Variants in IGFBP7 observed in about 807,000 individuals in gnomAD.
The protein encoded by IGFBP7 is insulin-like growth factor-binding protein 7.
Under a neutral mutation model 29.4 loss-of-function variants are expected in IGFBP7, and 31 were observed. The observed-to-expected ratio is 1.05, with a 90% confidence interval of 0.79 to 1.42. The LOEUF (loss-of-function observed/expected upper bound fraction) is 1.42, where lower values mean the gene tolerates loss of function less well. Among genes scored for constraint, IGFBP7 ranks in the 40% most tolerant of loss-of-function variants. The pLI, the probability that IGFBP7 is intolerant of heterozygous loss-of-function variation, is 0.00. For synonymous variants in IGFBP7, 172 were observed against 174.9 expected (o/e 0.98, Z 0.13); for missense variants, 393 against 395.5 (o/e 0.99, Z 0.05).
chr4:57,050,214 C>T (rs1724468368), intron 1 of IGFBP7, among the ~76,000 whole-genome samples: 1 of 150,318 alleles, frequency 6.7e-6, no homozygotes, highest in Admixed American at 6.6e-5. Context: ...CATTATGGTT[C>T]TCACTGAACA....
At position 57,110,363 on chromosome 4, in the gene IGFBP7, G is replaced by C. The variant is rs1006188690; in HGVS notation, c.-12C>G. On this transcript the variant is annotated 5_prime_UTR_variant, in exon 1 of 5. Coordinates refer to ENST00000295666, the MANE Select transcript of IGFBP7 (RefSeq NM_001553.3). Reference sequence around the variant, plus strand: ...GACGGCCGCTCCATGGCGGGGTGCGGTGGCAGCGGCAAGGGCGCGAGTGAG... The same window carrying C: ...GACGGCCGCTCCATGGCGGGGTGCGCTGGCAGCGGCAAGGGCGCGAGTGAG... The C allele has an allele frequency of 3.0e-6, 4 of 1,337,456 alleles. No individual in the cohort carries two copies. Among genetic ancestry groups the C allele is most frequent in the Non-Finnish European group, 9.6e-7 (1 of 1,044,872 alleles). 82.8% of individuals were successfully genotyped at this position (1,337,456 alleles called of 1,614,324 possible).
chr4:57,080,476 C>A (rs140942298), intron 1 of IGFBP7, among the ~76,000 whole-genome samples: 4 of 152,256 alleles, frequency 2.6e-5, no homozygotes, highest in Non-Finnish European at 5.9e-5. Context: ...GTATCAGAAC[C>A]TTTCTTCCAA....
intron 1 of IGFBP7, among the ~76,000 whole-genome samples, chr4:57,050,788 C>T (rs980518684): frequency 2.0e-5 from 3 of 150,910 alleles, no homozygotes; most frequent in South Asian, 4.2e-4. Context: ...GAACCCTTGG[C>T]TTCAAGTGAT....
rs1724206410 is a variant in IGFBP7 at position 57,040,903 on chromosome 4, A to G, written c.506T>C (p.Ile169Thr). 2.5e-6 allele frequency: 4 copies of G among 1,614,140 alleles called. No individual in the cohort carries two copies. Among genetic ancestry groups the G allele is most frequent in the Non-Finnish European group, 3.4e-6 (4 of 1,179,966 alleles). Reference sequence around the variant, plus strand: ...CACCTGGGCACCAGTGACATTCCAGATGTCCTTGGGGGGCGTCACTATGGA... The same window carrying G: ...CACCTGGGCACCAGTGACATTCCAGGTGTCCTTGGGGGGCGTCACTATGGA... ...GPSIVTPPKDIWNVTGAQVYL... is the reference protein window; with the variant it reads ...GPSIVTPPKDTWNVTGAQVYL... The change falls in exon 2 of 5, where the codon ATC (isoleucine) becomes ACC (threonine). Residue 169 changes from isoleucine to threonine, a missense_variant. Physicochemically the swap from Ile to Thr is moderately conservative, Grantham distance 89. Transcript: ENST00000295666.
At chr4:57,103,770 C>T (rs1199693385) in intron 1 of IGFBP7, among the ~76,000 whole-genome samples, 3 of 148,852 alleles carry the variant, frequency 2.0e-5, no homozygotes, top group East Asian at 4.0e-4. Flanking sequence ...GTAATCCTCC[C>T]GCCTCAGCCT....
Position 57,075,256 on chromosome 4 carries a change from A to G in IGFBP7, c.476-34323T>C, listed in dbSNP as rs193148903. Among the ~76,000 whole-genome samples, 73 of 152,330 alleles carry G rather than the reference A, an allele frequency of 4.8e-4. No homozygotes were observed. In the East Asian group the frequency reaches 0.014, roughly 29 times the overall value. On this transcript the variant is annotated intron_variant, in intron 1 of 4. Coordinates refer to ENST00000295666, the MANE Select transcript of IGFBP7 (RefSeq NM_001553.3). ...AGGTTGCTTAACTAACCTCCTGCCCACTAAAGGAGACATATTTTCTAAGAT... is the reference window on the plus strand; with the variant it reads ...AGGTTGCTTAACTAACCTCCTGCCCGCTAAAGGAGACATATTTTCTAAGAT...
intron 1 of IGFBP7, among the ~76,000 whole-genome samples, chr4:57,052,735 G>A (rs1194916373): frequency 6.6e-6 from 1 of 152,186 alleles, no homozygotes; most frequent in Non-Finnish European, 1.5e-5. Flanking sequence ...CAGGTCTTGT[G>A]AGTTGAGTTC....
At chr4:57,074,443 AAAG>A (rs1259626980) in intron 1 of IGFBP7, among the ~76,000 whole-genome samples, 1 of 152,218 alleles carries the variant, frequency 6.6e-6, no homozygotes, top group Admixed American at 6.5e-5. Flanking sequence ...AAAAAGTTAA[AAAG>A]AAGCTGCAAC....
At chr4:57,098,794 C>G (rs544187162) in intron 1 of IGFBP7, among the ~76,000 whole-genome samples, 1 of 152,300 alleles carries the variant, frequency 6.6e-6, no homozygotes, top group East Asian at 1.9e-4. Context: ...TGAGGGGGGT[C>G]CTTTGGAAGC....
rs1173711956 is a variant in IGFBP7 at position 57,109,860 on chromosome 4, G to C, written c.475+17C>G. The C allele has an allele frequency of 6.5e-7, 1 of 1,535,194 alleles. No individual in the cohort carries two copies. The highest frequency in any genetic ancestry group is 2.4e-5 in the East Asian group (1 of 40,836). On this transcript the variant is annotated intron_variant, in intron 1 of 4. Coordinates refer to ENST00000295666, the MANE Select transcript of IGFBP7 (RefSeq NM_001553.3). The stretch of plus-strand genomic sequence containing the variant: ...GCCGAGCGGCGCAGGGTTGGAGAGG[G>C]AAGCGCTCGTGCCCACCTTGCTCGC...
chr4:57,100,523 C>T (rs1393539495), intron 1 of IGFBP7, among the ~76,000 whole-genome samples: 2 of 152,126 alleles, frequency 1.3e-5, no homozygotes, highest in African/African-American at 4.8e-5. Context: ...CATAAAGAGC[C>T]ATCTCAACTC....
intron 1 of IGFBP7, among the ~76,000 whole-genome samples, chr4:57,070,181 CTCTT>C (rs1725022316): frequency 6.6e-6 from 1 of 152,190 alleles, no homozygotes; most frequent in Non-Finnish European, 1.5e-5. Context: ...TGAGTCTTTC[CTCTT>C]TCTTCTAGAA....
chr4:57,040,931 G>C lies in IGFBP7; in HGVS notation c.478C>G (p.Pro160Ala). The C allele has an allele frequency of 6.2e-7, 1 of 1,608,406 alleles. No homozygotes were observed. Among genetic ancestry groups the C allele is most frequent in the East Asian group, 2.2e-5 (1 of 44,852 alleles). Residue 160 changes from proline (P) to alanine (A), a missense_variant and splice_region_variant, in exon 2 of 5, where the codon CCT becomes GCT. Pro to Ala is a conservative substitution (Grantham distance 27). Coordinates refer to ENST00000295666, the MANE Select transcript of IGFBP7 (RefSeq NM_001553.3). ...TCCTTGGGGGGCGTCACTATGGAAG[G>C]ACCTGCAGGAGAGGGCACAAAGCCA... ...QVSKGTCEQG[P>A]SIVTPPKDIW... is the part of the protein sequence containing the mutation.
rs11555283 is a variant in IGFBP7 at position 57,110,143 on chromosome 4, G to C, written c.209C>G (p.Pro70Arg). Residue 70 changes from proline (P) to arginine (R), a missense_variant, in exon 1 of 5, where the codon CCG becomes CGG. Physicochemically the swap from Pro to Arg is moderately radical, Grantham distance 103. Coordinates refer to ENST00000295666, the MANE Select transcript of IGFBP7 (RefSeq NM_001553.3). ...CCTGCCGGCGCCGCCACCCCCGCAC[G>C]GCTCGCCCTCGCCGCGGGCGCACAT... ...CPMCARGEGE[P>R]CGGGGAGRGY... The C allele has an allele frequency of 6.7e-6, 10 of 1,482,938 alleles. No homozygotes were observed. The East Asian group carries it at 1.1e-4, about 17-fold the overall frequency. The allele number at this position is 1,482,938 out of a possible 1,614,324, so 91.9% of individuals were successfully genotyped here.
intron 1 of IGFBP7, among the ~76,000 whole-genome samples, chr4:57,088,903 G>A (rs1313495551): frequency 2.0e-5 from 3 of 151,924 alleles, no homozygotes; most frequent in Admixed American, 6.6e-5. Flanking sequence ...GTGGTGTTGG[G>A]CACCTGTAAT....
intron 1 of IGFBP7, among the ~76,000 whole-genome samples, chr4:57,060,533 C>T (rs773525639): frequency 3.3e-5 from 5 of 152,102 alleles, no homozygotes; most frequent in Admixed American, 6.5e-5. Flanking sequence ...TTTTTGCATT[C>T]GAGCTTTCTT....
intron 3 of IGFBP7, 70 bp from the exon 4 acceptor site, chr4:57,032,622 CATT>C: frequency 8.2e-7 from 1 of 1,214,680 alleles, no homozygotes; most frequent in Admixed American, 1.7e-5. Context: ...CCAGTGAGGT[CATT>C]ATTTCATAAA....
At chr4:57,053,061 G>A (rs181716212) in intron 1 of IGFBP7, among the ~76,000 whole-genome samples, 290 of 146,798 alleles carry the variant, frequency 2.0e-3, no homozygotes, top group South Asian at 3.6e-3. Context: ...CTGTCGCCCA[G>A]GCTGGAGTGC....
rs374164531 is a variant in IGFBP7 at position 57,110,027 on chromosome 4, C to T, written c.325G>A (p.Gly109Ser). 4 of 1,555,528 alleles carry T rather than the reference C, an allele frequency of 2.6e-6. No individual in the cohort carries two copies. The African/African-American group carries it at 4.1e-5, about 16-fold the overall frequency. ...TAGCGGCTCTTGCACACGCACACGC[C>T]GCTTACACCCGGACCGCCGGCTGCT... is the stretch of plus-strand genomic sequence containing the variant. ...GAAAGGPGVS[G>S]VCVCKSRYPV... The change falls in exon 1 of 5, where the codon GGC (glycine) becomes AGC (serine). Residue 109 changes from glycine to serine, a missense_variant. Coordinates refer to ENST00000295666, the MANE Select transcript of IGFBP7 (RefSeq NM_001553.3).
Sources: gnomAD v4.1 joint callset for allele counts (sites outside exome capture counted in the v4.1 genomes callset) on GRCh38, gnomAD v4.1.1 for gene constraint, MANE v1.5 for transcripts, NCBI Gene and HGNC (gene_info 2026-07-23, HGNC 2026-07-21) for gene names.